CNTNAP2: variants seen among roughly 807,000 people sequenced by gnomAD.
CNTNAP2 encodes contactin-associated protein-like 2.
CNTNAP2 carries 98 observed loss-of-function variants against 155.2 expected under a neutral mutation model. That is an observed-to-expected ratio of 0.63 (90% confidence interval 0.54 to 0.75). CNTNAP2 has a LOEUF of 0.75. Among genes scored for constraint, CNTNAP2 ranks in the 30% least tolerant of loss-of-function variants. The pLI, the probability that CNTNAP2 is intolerant of heterozygous loss-of-function variation, is 0.00. For missense variants in CNTNAP2, 1,727 were observed against 1,688.1 expected, an observed-to-expected ratio of 1.02 and a Z score of -0.40; for synonymous variants, 651 against 631.2, an observed-to-expected ratio of 1.03 and a Z score of -0.47.
At chr7:147,270,511 T>C (rs1804719362) in intron 8 of CNTNAP2, among the ~76,000 whole-genome samples, 1 of 152,234 alleles carries the variant, frequency 6.6e-6, no homozygotes, top group African/African-American at 2.4e-5. Flanking sequence ...CTTACCTCTG[T>C]GGCTCCCATT....
In CNTNAP2 at chr7:148,100,410, T is replaced by C. The variant is rs115131179; in HGVS notation, c.2384-17708T>C. ...CTGAGTTTAAGCAAATACACACACA[T>C]ACAGATGCATGTATGCATATGCGTG... is the stretch of plus-strand genomic sequence containing the variant. On this transcript the variant is annotated intron_variant, in intron 15 of 23. Transcript: ENST00000361727. Among the ~76,000 whole-genome samples the C allele has an allele frequency of 2.9e-3, 449 of 152,334 alleles. 4 individuals are homozygous for C. Among genetic ancestry groups the C allele is most frequent in the African/African-American group, 9.7e-3 (403 of 41,566 alleles).
intron 13 of CNTNAP2, among the ~76,000 whole-genome samples, chr7:147,755,341 C>T (rs1424071946): frequency 1.3e-5 from 2 of 152,204 alleles, no homozygotes; most frequent in African/African-American, 4.8e-5. Flanking sequence ...CTGTTCGGTT[C>T]TGTTCTCAAA....
At chr7:146,347,971 T>C (rs1464843089) in intron 1 of CNTNAP2, among the ~76,000 whole-genome samples, 6 of 152,178 alleles carry the variant, frequency 3.9e-5, no homozygotes, top group African/African-American at 1.4e-4. Flanking sequence ...TTATCATCAG[T>C]TGGAGTTTTA....
chr7:147,311,747 T>G (rs1795131656), intron 9 of CNTNAP2, among the ~76,000 whole-genome samples: 1 of 152,168 alleles, frequency 6.6e-6, no homozygotes, highest in Non-Finnish European at 1.5e-5. Flanking sequence ...TGTTTGCATA[T>G]CTAATACTCT....
intron 15 of CNTNAP2, among the ~76,000 whole-genome samples, chr7:148,073,661 G>A (rs1290799167): frequency 6.6e-6 from 1 of 151,988 alleles, no homozygotes; most frequent in Non-Finnish European, 1.5e-5. Context: ...ATTCTATTGT[G>A]CCTCATTTAT....
intron 18 of CNTNAP2, among the ~76,000 whole-genome samples, chr7:148,187,904 C>T (rs1206664677): frequency 6.6e-6 from 1 of 152,028 alleles, no homozygotes; most frequent in African/African-American, 2.4e-5. Flanking sequence ...TAAAAATCAA[C>T]CATATGAATA....
In CNTNAP2 at chr7:146,638,476, C is replaced by CTTTTTTTTTTTTTTTTTTTTT. The variant is rs879600389; in HGVS notation, c.98-135793_98-135773dup. On this transcript the variant is annotated intron_variant, in intron 1 of 23. Coordinates refer to ENST00000361727, the MANE Select transcript of CNTNAP2 (RefSeq NM_014141.6). ...AACAGTTTAATACAGTCAGGTGTTT[C>CTTTTTTTTTTTTTTTTTTTTT]TTTTTTTTTTTTTTTTTTTTTTCTT... 7.8e-4 allele frequency among the ~76,000 whole-genome samples: 50 copies of CTTTTTTTTTTTTTTTTTTTTT among 64,352 alleles called. 2 individuals are homozygous for CTTTTTTTTTTTTTTTTTTTTT. Among genetic ancestry groups the CTTTTTTTTTTTTTTTTTTTTT allele is most frequent in the East Asian group, 5.8e-3 (11 of 1,882 alleles). The allele number at this position is 64,352 out of a possible 152,430, so 42.2% of individuals were successfully genotyped here. A position where few individuals can be genotyped will look rare whatever the true frequency, so the allele number is the denominator to read the frequency against.
At chr7:147,476,887 C>T (rs897749014) in intron 10 of CNTNAP2, among the ~76,000 whole-genome samples, 5 of 149,254 alleles carry the variant, frequency 3.3e-5, no homozygotes, top group African/African-American at 5.0e-5. Context: ...GAGATCATCC[C>T]ACTGCTCTCC....
At chr7:146,866,967 T>G (rs1363627118) in intron 3 of CNTNAP2, among the ~76,000 whole-genome samples, 2 of 152,158 alleles carry the variant, frequency 1.3e-5, no homozygotes, top group African/African-American at 4.8e-5. Flanking sequence ...TAGATTATTT[T>G]TATATGTAGA....
intron 1 of CNTNAP2, among the ~76,000 whole-genome samples, chr7:146,771,312 T>G (rs970784882): frequency 1.3e-5 from 2 of 152,192 alleles, no homozygotes; most frequent in African/African-American, 4.8e-5. Flanking sequence ...TTTAAATGAA[T>G]GAAATGAACA....
intron 21 of CNTNAP2, among the ~76,000 whole-genome samples, chr7:148,367,189 C>G (rs1187334393): frequency 6.6e-6 from 1 of 151,844 alleles, no homozygotes; most frequent in South Asian, 2.1e-4. Flanking sequence ...CAAGATGAAG[C>G]CACTGCACTC....
At chr7:148,396,281 T>A (rs750875668) in intron 22 of CNTNAP2, among the ~76,000 whole-genome samples, 3 of 152,186 alleles carry the variant, frequency 2.0e-5, no homozygotes, top group Non-Finnish European at 4.4e-5. Context: ...TGTTATCCCT[T>A]GACTTGTGTG....
intron 15 of CNTNAP2, among the ~76,000 whole-genome samples, chr7:148,070,816 T>C (rs1803366777): frequency 1.3e-5 from 2 of 152,222 alleles, no homozygotes; most frequent in Non-Finnish European, 2.9e-5. Context: ...CACTATTCAA[T>C]AGTGGTAAAC....
At chr7:146,416,701 T>G (rs1464396345) in intron 1 of CNTNAP2, among the ~76,000 whole-genome samples, 1 of 152,190 alleles carries the variant, frequency 6.6e-6, no homozygotes, top group Non-Finnish European at 1.5e-5. Flanking sequence ...CTCTGGTGGC[T>G]AATTGTGGTT....
chr7:147,647,290 C>G (rs868741090), intron 13 of CNTNAP2, among the ~76,000 whole-genome samples: 19 of 151,612 alleles, frequency 1.3e-4, no homozygotes, highest in Admixed American at 1.2e-3. Flanking sequence ...CGTGAGCCAC[C>G]GCGCCCGGCC....
intron 1 of CNTNAP2, among the ~76,000 whole-genome samples, chr7:146,447,710 C>T (rs1037097640): frequency 1.3e-5 from 2 of 151,870 alleles, no homozygotes; most frequent in Admixed American, 1.3e-4. Flanking sequence ...GCAATAATCA[C>T]AGAAGTATTT....
intron 1 of CNTNAP2, among the ~76,000 whole-genome samples, chr7:146,203,381 C>G (rs1273899092): frequency 6.6e-6 from 1 of 152,128 alleles, no homozygotes; most frequent in African/African-American, 2.4e-5. Context: ...GAGCTGCTTA[C>G]AGAACTCAGG....
At chr7:146,958,052 A>C (rs1157530466) in intron 3 of CNTNAP2, among the ~76,000 whole-genome samples, 1 of 152,132 alleles carries the variant, frequency 6.6e-6, no homozygotes, top group East Asian at 1.9e-4. Context: ...ATATTCTTGA[A>C]ATTGTCTATT....
At chr7:148,205,518 G>A (rs1168052228) in intron 18 of CNTNAP2, among the ~76,000 whole-genome samples, 1 of 152,190 alleles carries the variant, frequency 6.6e-6, no homozygotes, top group African/African-American at 2.4e-5. Flanking sequence ...GAGAAAAAAA[G>A]CAGTAGAAAT....
Sources: gnomAD v4.1 joint callset for allele counts (sites outside exome capture counted in the v4.1 genomes callset) on GRCh38, gnomAD v4.1.1 for gene constraint, MANE v1.5 for transcripts, NCBI Gene and HGNC (gene_info 2026-07-23, HGNC 2026-07-21) for gene names.